TLN2: variants seen among roughly 807,000 people sequenced by gnomAD.
TLN2 encodes the protein talin-2.
A neutral mutation model predicts 294.7 loss-of-function variants in TLN2; 118 were observed. The ratio of observed to expected loss-of-function variants is 0.40; its 90% confidence interval spans 0.34 to 0.47. The LOEUF is 0.47. Among genes scored for constraint, TLN2 ranks in the 20% least tolerant of loss-of-function variants. The pLI is 0.84. For missense variants in TLN2, 3,083 were observed against 3,282.2 expected, an observed-to-expected ratio of 0.94 and a Z score of 1.48; for synonymous variants, 1,431 against 1,304.5, an observed-to-expected ratio of 1.10 and a Z score of -2.09.
chr15:62,767,840 G>A (rs531247804), intron 41 of TLN2, among the ~76,000 whole-genome samples: 2 of 152,302 alleles, frequency 1.3e-5, no homozygotes, highest in South Asian at 2.1e-4. Context: ...TTTTGTAATA[G>A]AATATTTCTG....
chr15:62,776,434 A>G (rs1474373217), intron 42 of TLN2, among the ~76,000 whole-genome samples: 1 of 152,320 alleles, frequency 6.6e-6, no homozygotes, highest in East Asian at 1.9e-4. Flanking sequence ...TATTTTGTAA[A>G]TGTATCAACT....
At chr15:62,730,189 G>A (rs932886521) in intron 28 of TLN2, among the ~76,000 whole-genome samples, 1 of 151,854 alleles carries the variant, frequency 6.6e-6, no homozygotes, top group Non-Finnish European at 1.5e-5. Flanking sequence ...CTATAGGTGT[G>A]TGCCACCACA....
intron 3 of TLN2, among the ~76,000 whole-genome samples, chr15:62,623,133 G>C (rs1429170844): frequency 6.6e-6 from 1 of 152,218 alleles, no homozygotes; most frequent in Non-Finnish European, 1.5e-5. Flanking sequence ...TTTTAACTAA[G>C]TCCTGTGCTG....
chr15:62,575,520 G>A (rs1050513511), intron 1 of TLN2, among the ~76,000 whole-genome samples: 18 of 152,088 alleles, frequency 1.2e-4, no homozygotes, highest in African/African-American at 3.1e-4. Flanking sequence ...GTTACAAACT[G>A]GTGAAGGCAG....
intron 1 of TLN2, among the ~76,000 whole-genome samples, chr15:62,580,533 C>T (rs1474530664): frequency 4.6e-5 from 7 of 151,982 alleles, no homozygotes; most frequent in East Asian, 1.9e-4. Context: ...ACCTCAGCCT[C>T]GCGAGTAGCC....
intron 25 of TLN2, among the ~76,000 whole-genome samples, chr15:62,720,900 A>G (rs905895168): frequency 2.6e-5 from 4 of 152,110 alleles, no homozygotes; most frequent in Non-Finnish European, 4.4e-5. Context: ...ATTCCTAGAG[A>G]GAGGATTGTA....
intron 1 of TLN2, among the ~76,000 whole-genome samples, chr15:62,421,283 G>A (rs545752605): frequency 3.9e-5 from 6 of 152,228 alleles, no homozygotes; most frequent in South Asian, 4.1e-4. Flanking sequence ...AGATCTGCCC[G>A]CTTTGGCCTT....
intron 1 of TLN2, among the ~76,000 whole-genome samples, chr15:62,447,151 C>A (rs1293649679): frequency 9.2e-6 from 1 of 109,166 alleles, no homozygotes; most frequent in African/African-American, 3.3e-5. Flanking sequence ...TTCAAGAAGC[C>A]TATATTTATT....
intron 41 of TLN2, 136 bp from the exon 42 acceptor site, chr15:62,770,828 G>A: frequency 9.5e-7 from 1 of 1,051,648 alleles, no homozygotes; most frequent in Non-Finnish European, 1.3e-6. Context: ...ACTTTCAGCA[G>A]TAAATTGCAG....
intron 1 of TLN2, among the ~76,000 whole-genome samples, chr15:62,490,378 A>G (rs2038642485): frequency 6.6e-6 from 1 of 152,212 alleles, no homozygotes; most frequent in Non-Finnish European, 1.5e-5. Context: ...GACTTGGGAT[A>G]CACGTTTGTC....
chr15:62,443,201 G>A (rs1011141546), intron 1 of TLN2, among the ~76,000 whole-genome samples: 1 of 152,212 alleles, frequency 6.6e-6, no homozygotes, highest in Non-Finnish European at 1.5e-5. Flanking sequence ...GGGGGCCATT[G>A]TTCAGACTAC....
intron 1 of TLN2, among the ~76,000 whole-genome samples, chr15:62,452,115 T>C (rs1338436552): frequency 1.3e-5 from 2 of 148,512 alleles, no homozygotes; most frequent in East Asian, 4.2e-4. Context: ...GAGCTGAGCA[T>C]GGGGTGATGC....
rs570158539 is a variant in TLN2 at position 62,585,119 on chromosome 15, T to C, written c.-237-4568T>C. Among the ~76,000 whole-genome samples, 14 of 152,222 alleles carry C rather than the reference T, an allele frequency of 9.2e-5. No homozygotes were observed. In the East Asian group the frequency reaches 2.7e-3, roughly 29 times the overall value. On this transcript the variant is annotated intron_variant, in intron 1 of 58. Transcript: ENST00000636159. ...TTGGCTGCATGGGATCTAAAGCACA[T>C]AGTGAGGGTTCAGCTGCATACATCC...
At chr15:62,584,977 G>A (rs1173503931) in intron 1 of TLN2, among the ~76,000 whole-genome samples, 2 of 152,160 alleles carry the variant, frequency 1.3e-5, no homozygotes, top group Non-Finnish European at 1.5e-5. Context: ...TTGGGCTGGG[G>A]CCCATATGAG....
chr15:62,522,797 A>G (rs1031367034), intron 1 of TLN2, among the ~76,000 whole-genome samples: 2 of 151,638 alleles, frequency 1.3e-5, no homozygotes, highest in South Asian at 2.1e-4. Context: ...TTCAAAAACC[A>G]GAGAAGAAAA....
chr15:62,718,178 C>T (rs1356769428), intron 24 of TLN2, among the ~76,000 whole-genome samples: 3 of 152,214 alleles, frequency 2.0e-5, no homozygotes, highest in Admixed American at 2.0e-4. Flanking sequence ...TCTTCTGACA[C>T]CTGGGCCTTG....
At chr15:62,448,316 T>G (rs1336600364) in intron 1 of TLN2, among the ~76,000 whole-genome samples, 1 of 152,200 alleles carries the variant, frequency 6.6e-6, no homozygotes, top group Non-Finnish European at 1.5e-5. Context: ...CCCAATGCTT[T>G]ACAGAGTTAG....
chr15:62,468,669 C>T (rs1027635990), intron 1 of TLN2, among the ~76,000 whole-genome samples: 2 of 150,208 alleles, frequency 1.3e-5, no homozygotes, highest in Admixed American at 6.7e-5. Context: ...GGCGTGAACC[C>T]GGGAGGCGGA....
At chr15:62,534,623 T>C (rs1021870080) in intron 1 of TLN2, among the ~76,000 whole-genome samples, 2 of 152,136 alleles carry the variant, frequency 1.3e-5, no homozygotes, top group African/African-American at 4.8e-5. Context: ...TCATTTGCCA[T>C]TGATGATCAA....
Sources: allele counts gnomAD v4.1 joint callset (sites outside exome capture counted in the v4.1 genomes callset), GRCh38; gene constraint gnomAD v4.1.1; transcripts MANE v1.5; gene names NCBI Gene and HGNC (gene_info 2026-07-23, HGNC 2026-07-21).